The following PLB1 variants were observed in gnomAD, a reference collection of about 807,000 sequenced individuals.
The protein encoded by PLB1 is phospholipase B1, membrane-associated.
PLB1 carries 242 observed loss-of-function variants against 227.4 expected under a neutral mutation model. The observed-to-expected ratio is 1.06, with a 90% confidence interval of 0.96 to 1.18. The LOEUF (loss-of-function observed/expected upper bound fraction) is 1.18, where lower values mean the gene tolerates loss of function less well. Among genes scored for constraint, PLB1 ranks in the 50% most tolerant of loss-of-function variants. PLB1 has a pLI of 0.00. For missense variants in PLB1, 1,858 were observed against 1,816.3 expected (o/e 1.02, Z -0.42); for synonymous variants, 757 against 682.2 (o/e 1.11, Z -1.71).
rs1209458568 is a variant in PLB1 at position 28,643,233 on chromosome 2, AT to A, written c.*173del. The A allele has an allele frequency of 3.5e-6, 2 of 568,238 alleles. No individual in the cohort carries two copies. The highest frequency in any genetic ancestry group is 3.8e-5 in the African/African-American group (2 of 53,092). 35.2% of individuals were successfully genotyped at this position (568,238 alleles called of 1,614,324 possible). Reference sequence around the variant, plus strand: ...CTTCTTCCAGGCCTATGCTCCTGGAATGGATACATTTAAATAAAGTCCAAAG... The same window carrying A: ...CTTCTTCCAGGCCTATGCTCCTGGAAGGATACATTTAAATAAAGTCCAAAG... On this transcript the variant is annotated 3_prime_UTR_variant, in exon 58 of 58. Coordinates refer to ENST00000327757, the MANE Select transcript of PLB1 (RefSeq NM_153021.5).
chr2:28,640,844 G>C (rs1318077456), intron 56 of PLB1, 83 bp from the exon 57 acceptor site: 1 of 1,394,954 alleles, frequency 7.2e-7, no homozygotes, highest in African/African-American at 1.5e-5. Context: ...CCGAGGGAGG[G>C]GCTCTGGTGT....
intron 14 of PLB1, among the ~76,000 whole-genome samples, chr2:28,545,345 C>T (rs141938315): frequency 9.2e-5 from 14 of 152,296 alleles, no homozygotes; most frequent in African/African-American, 3.1e-4. Context: ...CCAAGCATCC[C>T]CAGTCCCTCG....
At chr2:28,614,367 C>T (rs992877393) in intron 44 of PLB1, among the ~76,000 whole-genome samples, 2 of 152,264 alleles carry the variant, frequency 1.3e-5, no homozygotes, top group South Asian at 2.1e-4. Flanking sequence ...GGCTCACAGA[C>T]GTGGTTACTG....
At chr2:28,602,287 G>A (rs1190556187) in intron 38 of PLB1, among the ~76,000 whole-genome samples, 1 of 152,206 alleles carries the variant, frequency 6.6e-6, no homozygotes, top group Non-Finnish European at 1.5e-5. Flanking sequence ...CCCAGGCTGG[G>A]CACTGCCTTC....
rs1573400268 is a variant in PLB1 at position 28,608,469 on chromosome 2, C to T, written c.3129+1902C>T. Among the ~76,000 whole-genome samples the T allele has an allele frequency of 3.9e-5, 6 of 152,374 alleles. No homozygotes were observed. The South Asian group carries it at 1.2e-3, about 32-fold the overall frequency. On this transcript the variant is annotated intron_variant, in intron 43 of 57. Transcript: ENST00000327757. The stretch of plus-strand genomic sequence containing the variant: ...AGATGGCTGTGAGCATGAGCTTTCT[C>T]AGCCTCCTCCCTTCTCCCATCCGCA...
intron 44 of PLB1, 33 bp from the exon 45 acceptor site, chr2:28,617,694 T>C (rs778170059): frequency 1.2e-6 from 2 of 1,605,592 alleles, no homozygotes; most frequent in East Asian, 4.5e-5. Context: ...ACAATGAGTG[T>C]TGGGCACTGA....
chr2:28,555,968 G>A (rs1422365082), intron 17 of PLB1, among the ~76,000 whole-genome samples: 1 of 148,912 alleles, frequency 6.7e-6, no homozygotes, highest in African/African-American at 2.5e-5. Context: ...TCCCTGGCTC[G>A]AGATCCTCCC....
intron 51 of PLB1, 58 bp downstream of exon 51, chr2:28,626,566 C>A: frequency 6.9e-7 from 1 of 1,451,050 alleles, no homozygotes; most frequent in Non-Finnish European, 9.7e-7. Context: ...CCTCTGGCAA[C>A]ATCCTTGCCC....
chr2:28,589,775 G>A lies in PLB1; in HGVS notation c.2016+5G>A. On this transcript the variant is annotated splice_donor_5th_base_variant and intron_variant, in intron 28 of 57. Coordinates refer to ENST00000327757, the MANE Select transcript of PLB1 (RefSeq NM_153021.5). ...AGTGCTCTCTGGAACAATATGGTAA[G>A]TGGCTGCGGTAGGAAAATGCATCCT... The A allele has an allele frequency of 6.2e-7, 1 of 1,611,686 alleles. No homozygotes were observed. Among genetic ancestry groups the A allele is most frequent in the Non-Finnish European group, 8.5e-7 (1 of 1,178,250 alleles).
intron 8 of PLB1, among the ~76,000 whole-genome samples, chr2:28,530,620 A>C (rs143035428): frequency 6.6e-6 from 1 of 152,342 alleles, no homozygotes; most frequent in East Asian, 1.9e-4. Flanking sequence ...AACCTATATA[A>C]ATTTGTAATA....
Position 28,643,145 on chromosome 2 carries a change from C to T in PLB1, c.*84C>T, listed in dbSNP as rs1690157764. 8 of 1,334,492 alleles carry T rather than the reference C, an allele frequency of 6.0e-6. No individual in the cohort carries two copies. The highest frequency in any genetic ancestry group is 7.1e-6 in the Non-Finnish European group (7 of 991,840). 82.7% of individuals were successfully genotyped at this position (1,334,492 alleles called of 1,614,324 possible). A position where few individuals can be genotyped will look rare whatever the true frequency, so the allele number is the denominator to read the frequency against. On this transcript the variant is annotated 3_prime_UTR_variant, in exon 58 of 58. Coordinates refer to ENST00000327757, the MANE Select transcript of PLB1 (RefSeq NM_153021.5). ...CCCCAGCCACTCCCGGCCACCAGGA[C>T]ATGCTTCAATGCCTGGTGCCATAGG...
intron 36 of PLB1, 58 bp from the exon 37 acceptor site, chr2:28,601,194 C>G (rs1288182829): frequency 7.2e-7 from 1 of 1,395,688 alleles, no homozygotes; most frequent in African/African-American, 1.4e-5. Flanking sequence ...TTTCCTAGGG[C>G]AGGGATATTT....
intron 1 of PLB1, among the ~76,000 whole-genome samples, chr2:28,509,827 T>G (rs1035368497): frequency 6.6e-6 from 1 of 152,148 alleles, no homozygotes; most frequent in African/African-American, 2.4e-5. Context: ...CTTCAATAAT[T>G]TCTTCCACAG....
intron 54 of PLB1, among the ~76,000 whole-genome samples, chr2:28,631,472 A>G (rs967475235): frequency 5.3e-5 from 8 of 152,214 alleles, no homozygotes; most frequent in African/African-American, 1.9e-4. Flanking sequence ...ATGTTTTCAC[A>G]TCTTGGCTCA....
At chr2:28,553,140 G>A in intron 17 of PLB1, 149 bp downstream of exon 17, 1 of 669,958 alleles carries the variant, frequency 1.5e-6, no homozygotes, top group Non-Finnish European at 2.6e-6. Context: ...AGCCATGGCT[G>A]TGTTTGACTA....
At chr2:28,533,476 G>C (rs1449447655) in intron 9 of PLB1, among the ~76,000 whole-genome samples, 2 of 152,152 alleles carry the variant, frequency 1.3e-5, no homozygotes, top group Non-Finnish European at 2.9e-5. Context: ...CAAGCATTTA[G>C]ACATTGGTGC....
At chr2:28,521,560 C>T (rs772298199) in intron 4 of PLB1, among the ~76,000 whole-genome samples, 29 of 152,040 alleles carry the variant, frequency 1.9e-4, no homozygotes, top group Non-Finnish European at 3.2e-4. Flanking sequence ...GTATGTTGAA[C>T]ATCTTTTCAT....
chr2:28,593,739 G>T lies in PLB1; in HGVS notation c.2306G>T (p.Arg769Leu). Reference protein sequence around the residue: ...DDLPDVTTQYRGLSYSAGGDG... With the variant: ...DDLPDVTTQYLGLSYSAGGDG... The stretch of plus-strand genomic sequence containing the variant: ...CTCCCCGATGTCACCACACAGTATC[G>T]GGGACTGTCATACAGGTAATGTTAA... Residue 769 changes from arginine to leucine, a missense_variant, in exon 33 of 58, where the codon CGG (arginine) becomes CTG (leucine). Transcript: ENST00000327757. 6.2e-7 allele frequency: 1 copy of T among 1,613,830 alleles called. No homozygotes were observed. The highest frequency in any genetic ancestry group is 8.5e-7 in the Non-Finnish European group (1 of 1,179,842).
rs1194178379 is a variant in PLB1 at position 28,620,929 on chromosome 2, T to C, written c.3478T>C (p.Trp1160Arg). The C allele has an allele frequency of 1.2e-6, 2 of 1,613,760 alleles. No individual in the cohort carries two copies. The highest frequency in any genetic ancestry group is 2.2e-5 in the East Asian group (1 of 44,854). The part of the protein sequence containing the change: ...PYLLGFSTST[W>R]EGTAGLNVAA... ...CCTCCTTGGCTTCTCTACCAGCACC[T>C]GGGAGGGGACAGCAGGACTAAATGT... Residue 1160 changes from tryptophan (W) to arginine (R), a missense_variant, in exon 49 of 58, where the codon TGG becomes CGG. By Grantham distance (101) the Trp-to-Arg change is moderately radical. Transcript: ENST00000327757.
Sources: allele counts gnomAD v4.1 joint callset (sites outside exome capture counted in the v4.1 genomes callset), GRCh38; gene constraint gnomAD v4.1.1; transcripts MANE v1.5; gene names NCBI Gene and HGNC (gene_info 2026-07-23, HGNC 2026-07-21).